Variants in NALF1 observed in about 807,000 individuals in gnomAD.
NALF1 encodes the protein NALCN channel auxiliary factor 1, also known as family with sequence similarity 155 member A.
A neutral mutation model predicts 48.4 loss-of-function variants in NALF1; 3 were observed. The ratio of observed to expected loss-of-function variants is 0.06; its 90% CI spans 0.03 to 0.16. NALF1 has a LOEUF of 0.16. Among genes scored for constraint, NALF1 ranks in the 10% least tolerant of loss-of-function variants. NALF1 has a pLI of 1.00. For missense variants in NALF1, 526 were observed against 571.5 expected, an observed-to-expected ratio of 0.92 and a Z score of 0.81; for synonymous variants, 262 against 245.7, an observed-to-expected ratio of 1.07 and a Z score of -0.62.
intron 1 of NALF1, among the ~76,000 whole-genome samples, chr13:107,467,997 G>A (rs1170225275): frequency 6.7e-6 from 1 of 149,590 alleles, no homozygotes; most frequent in Non-Finnish European, 1.5e-5. Flanking sequence ...GCAGTGAACT[G>A]AGATCGCGCC....
intron 2 of NALF1, among the ~76,000 whole-genome samples, chr13:107,198,003 C>G (rs535369700): frequency 4.5e-4 from 68 of 151,926 alleles, no homozygotes; most frequent in Non-Finnish European, 7.2e-4. Flanking sequence ...AAATATGAAC[C>G]CATAAAATAA....
At position 107,484,937 on chromosome 13, in the gene NALF1, T is replaced by A. The variant is rs910893125; in HGVS notation, c.916-274182A>T. Among the ~76,000 whole-genome samples the A allele has an allele frequency of 2.0e-5, 3 of 152,272 alleles. No individual in the cohort carries two copies. In the East Asian group the frequency reaches 5.8e-4, roughly 29 times the overall value. On this transcript the variant is annotated intron_variant, in intron 1 of 2. Coordinates refer to ENST00000375915, the MANE Select transcript of NALF1 (RefSeq NM_001080396.3). The stretch of plus-strand genomic sequence containing the variant: ...AGAGAAATCCCTTTTGCAGAGTATT[T>A]GTCTTTAGGGTATTTCCAGTGGTCA...
chr13:107,679,756 A>C (rs947373495), intron 1 of NALF1, among the ~76,000 whole-genome samples: 15 of 152,138 alleles, frequency 9.9e-5, no homozygotes, highest in African/African-American at 3.6e-4. Context: ...AGCAACCTCT[A>C]GGGGGAAAAG....
Position 107,197,766 on chromosome 13 carries a change from G to A in NALF1, c.1087+12818C>T, listed in dbSNP as rs143849666. On this transcript the variant is annotated intron_variant, in intron 2 of 2. Transcript: ENST00000375915. Reference sequence around the variant, plus strand: ...TCCACACTTGCTTTTGTGTGTGTGCGCAAATTGATGGAGCTCTTGATTTTT... The same window carrying A: ...TCCACACTTGCTTTTGTGTGTGTGCACAAATTGATGGAGCTCTTGATTTTT... Among the ~76,000 whole-genome samples the A allele has an allele frequency of 2.2e-3, 330 of 152,288 alleles. 2 individuals are homozygous for A. Among genetic ancestry groups the A allele is most frequent in the Middle Eastern group, 3.4e-3 (1 of 294 alleles).
intron 1 of NALF1, among the ~76,000 whole-genome samples, chr13:107,846,913 TA>T (rs1204998103): frequency 4.6e-5 from 7 of 152,248 alleles, no homozygotes; most frequent in Non-Finnish European, 7.3e-5. Context: ...ATGAGAGTTC[TA>T]AGTCACCACT....
chr13:107,866,360 CTGCTGCCGCTGCTGCTGCT>C lies in NALF1; in HGVS notation c.218_236del (p.Gln73ArgfsTer80), dbSNP rs1566511789. 2.5e-6 allele frequency: 4 copies of C among 1,571,822 alleles called. No individual in the cohort carries two copies. Among genetic ancestry groups the C allele is most frequent in the South Asian group, 1.1e-5 (1 of 90,582 alleles). ...GCCTCTGCTGCTGCTGCTGCTGCTGCTGCTGCCGCTGCTGCTGCTGGTGCTCCTTGTCCCGGGCCCGGGT... is the reference window on the plus strand; with the variant it reads ...GCCTCTGCTGCTGCTGCTGCTGCTGCGGTGCTCCTTGTCCCGGGCCCGGGT... On this transcript the variant is annotated frameshift_variant, in exon 1 of 3. Coordinates refer to ENST00000375915, the MANE Select transcript of NALF1 (RefSeq NM_001080396.3). LOFTEE classifies it high-confidence loss of function. The surrounding 1 kb of genome is among the most constrained non-coding windows in gnomAD (Gnocchi z 4.4).
At chr13:107,559,440 T>C (rs1332889881) in intron 1 of NALF1, among the ~76,000 whole-genome samples, 1 of 152,000 alleles carries the variant, frequency 6.6e-6, no homozygotes. Context: ...GCAAGAGAAA[T>C]AAGATTAAAT....
chr13:107,439,762 C>T (rs1231515396), intron 1 of NALF1, among the ~76,000 whole-genome samples: 5 of 152,310 alleles, frequency 3.3e-5, no homozygotes, highest in Admixed American at 3.3e-4. Flanking sequence ...TTCAGCACTT[C>T]TTTGTCTTCT....
intron 1 of NALF1, among the ~76,000 whole-genome samples, chr13:107,360,340 T>C (rs1270716943): frequency 1.3e-5 from 2 of 152,054 alleles, no homozygotes; most frequent in African/African-American, 2.4e-5. Flanking sequence ...AGACCCCAAA[T>C]TGTATTACTC....
chr13:107,857,415 G>A (rs955124304), intron 1 of NALF1, among the ~76,000 whole-genome samples: 1 of 152,156 alleles, frequency 6.6e-6, no homozygotes, highest in South Asian at 2.1e-4. Flanking sequence ...ATGCCTGACA[G>A]ACGACATAAC....
intron 1 of NALF1, among the ~76,000 whole-genome samples, chr13:107,385,784 T>C (rs1883520862): frequency 6.6e-6 from 1 of 152,212 alleles, no homozygotes; most frequent in Non-Finnish European, 1.5e-5. Context: ...TCGATATTTC[T>C]ACATTTTTGT....
At chr13:107,389,157 C>T (rs1055955878) in intron 1 of NALF1, among the ~76,000 whole-genome samples, 38 of 152,176 alleles carry the variant, frequency 2.5e-4, no homozygotes, top group African/African-American at 4.6e-4. Flanking sequence ...CTATGTTACA[C>T]GGCTGCTTCT....
chr13:107,205,529 C>T (rs1254854666), intron 2 of NALF1, among the ~76,000 whole-genome samples: 3 of 152,104 alleles, frequency 2.0e-5, no homozygotes, highest in Admixed American at 6.5e-5. Flanking sequence ...GCAGCCTCAA[C>T]CGCCTGTCAA....
chr13:107,396,644 T>A (rs181753382), intron 1 of NALF1, among the ~76,000 whole-genome samples: 102 of 152,322 alleles, frequency 6.7e-4, no homozygotes, highest in African/African-American at 2.4e-3. Flanking sequence ...CAAGTACTCA[T>A]GGAAAATATT....
chr13:107,633,075 T>G (rs1454226454), intron 1 of NALF1, among the ~76,000 whole-genome samples: 1 of 152,134 alleles, frequency 6.6e-6, no homozygotes, highest in Non-Finnish European at 1.5e-5. Flanking sequence ...GCCCCTCTTT[T>G]TTGTGTTTTA....
chr13:107,725,436 A>C (rs1013691197), intron 1 of NALF1, among the ~76,000 whole-genome samples: 4 of 152,222 alleles, frequency 2.6e-5, no homozygotes, highest in African/African-American at 9.6e-5. Context: ...GGCTGGGCGC[A>C]GTGGCTCACA....
chr13:107,332,160 GTTAAAGT>G (rs1412109256), intron 1 of NALF1, among the ~76,000 whole-genome samples: 1 of 152,112 alleles, frequency 6.6e-6, no homozygotes, highest in Non-Finnish European at 1.5e-5. Context: ...CATAGATTTT[GTTAAAGT>G]AGCAATAAAG....
intron 1 of NALF1, among the ~76,000 whole-genome samples, chr13:107,736,299 G>C (rs1357294148): frequency 6.6e-6 from 1 of 152,090 alleles, no homozygotes; most frequent in African/African-American, 2.4e-5. Context: ...TTCTGTAACA[G>C]AGTGCAGTGG....
At chr13:107,611,118 T>C (rs1448158649) in intron 1 of NALF1, among the ~76,000 whole-genome samples, 1 of 152,164 alleles carries the variant, frequency 6.6e-6, no homozygotes, top group African/African-American at 2.4e-5. Context: ...TTTGTGTAAT[T>C]ATTTCATTTT....
Sources: gnomAD v4.1 joint callset for allele counts (sites outside exome capture counted in the v4.1 genomes callset) on GRCh38, gnomAD v4.1.1 for gene constraint, Gnocchi (gnomAD v3.1) non-coding constraint, MANE v1.5 for transcripts, NCBI Gene and HGNC (gene_info 2026-07-23, HGNC 2026-07-21) for gene names.